The following SEMA6D variants were observed in gnomAD, a reference collection of about 807,000 sequenced individuals.
SEMA6D encodes the protein semaphorin-6D.
In SEMA6D, 35 loss-of-function variants were observed where a neutral mutation model predicts 106.6. That is an observed-to-expected ratio of 0.33 (90% CI 0.25 to 0.44). The LOEUF (loss-of-function observed/expected upper bound fraction) is 0.44. SEMA6D is among the 20% of genes least tolerant of loss of function. The pLI is 1.00. For synonymous variants in SEMA6D, 499 were observed against 487.7 expected (o/e 1.02, Z -0.31); for missense variants, 1,185 against 1,345.9 (o/e 0.88, Z 1.87).
At chr15:47,494,085 A>G (rs937852422) in intron 3 of SEMA6D, among the ~76,000 whole-genome samples, 14 of 152,240 alleles carry the variant, frequency 9.2e-5, no homozygotes, top group Non-Finnish European at 7.4e-5. Context: ...CCCACTTGGA[A>G]GTGTATTGAG....
chr15:47,646,714 A>C (rs549058448), intron 4 of SEMA6D, among the ~76,000 whole-genome samples: 1 of 152,322 alleles, frequency 6.6e-6, no homozygotes, highest in South Asian at 2.1e-4. Context: ...GTTCAACTTT[A>C]GGAAAAAAGT....
At chr15:47,586,052 C>A (rs1474569460) in intron 3 of SEMA6D, among the ~76,000 whole-genome samples, 1 of 152,196 alleles carries the variant, frequency 6.6e-6, no homozygotes, top group Non-Finnish European at 1.5e-5. Flanking sequence ...CTTCAATAAA[C>A]CTGTTAATTT....
chr15:47,193,203 T>C (rs758892192), intron 1 of SEMA6D, among the ~76,000 whole-genome samples: 2 of 152,190 alleles, frequency 1.3e-5, no homozygotes, highest in Non-Finnish European at 2.9e-5. Context: ...TTACTTCTCT[T>C]CCATTTTCTC....
intron 3 of SEMA6D, among the ~76,000 whole-genome samples, chr15:47,490,508 G>T (rs1411539550): frequency 6.6e-6 from 1 of 152,120 alleles, no homozygotes; most frequent in East Asian, 1.9e-4. Flanking sequence ...AGCCCAGCAT[G>T]GTGGCATGCG....
chr15:47,545,413 C>T (rs1214349388), intron 3 of SEMA6D, among the ~76,000 whole-genome samples: 3 of 152,130 alleles, frequency 2.0e-5, no homozygotes, highest in Admixed American at 1.3e-4. Flanking sequence ...CTGAAAGATA[C>T]ATCCTTTAGG....
intron 3 of SEMA6D, among the ~76,000 whole-genome samples, chr15:47,505,406 G>A (rs532068410): frequency 6.6e-6 from 1 of 152,234 alleles, no homozygotes; most frequent in East Asian, 1.9e-4. Flanking sequence ...AAAGCAATAG[G>A]CACATTCTGC....
At chr15:47,523,426 C>G (rs1433266889) in intron 3 of SEMA6D, among the ~76,000 whole-genome samples, 1 of 151,898 alleles carries the variant, frequency 6.6e-6, no homozygotes, top group African/African-American at 2.4e-5. Flanking sequence ...CAGGGTGGGG[C>G]AGGGGAAGAC....
intron 4 of SEMA6D, among the ~76,000 whole-genome samples, chr15:47,673,962 G>T (rs1422287338): frequency 3.3e-5 from 5 of 152,080 alleles, no homozygotes. Context: ...TGCTTCTTAT[G>T]TCATTGTCTC....
chr15:47,653,282 G>A (rs2077727368), intron 4 of SEMA6D, among the ~76,000 whole-genome samples: 1 of 152,220 alleles, frequency 6.6e-6, no homozygotes, highest in South Asian at 2.1e-4. Flanking sequence ...CATGCTTAAT[G>A]TGTGATGGAA....
chr15:47,346,233 C>T (rs1018060224), intron 1 of SEMA6D, among the ~76,000 whole-genome samples: 3 of 152,108 alleles, frequency 2.0e-5, no homozygotes, highest in African/African-American at 7.2e-5. Flanking sequence ...AGTGTTAGGA[C>T]TCCATGAGAC....
At chr15:47,710,640 T>C (rs2078998983) in intron 4 of SEMA6D, among the ~76,000 whole-genome samples, 1 of 152,140 alleles carries the variant, frequency 6.6e-6, no homozygotes, top group Admixed American at 6.5e-5. Context: ...CAATAAGATT[T>C]GAAAAGCCAG....
intron 3 of SEMA6D, among the ~76,000 whole-genome samples, chr15:47,487,761 G>C (rs2043340131): frequency 6.6e-6 from 1 of 152,178 alleles, no homozygotes; most frequent in South Asian, 2.1e-4. Context: ...CATCCTTACA[G>C]ATGCTTCTGT....
intron 1 of SEMA6D, among the ~76,000 whole-genome samples, chr15:47,398,617 C>G (rs956103032): frequency 2.0e-5 from 3 of 151,990 alleles, no homozygotes; most frequent in Non-Finnish European, 4.4e-5. Flanking sequence ...GGGAGAGATT[C>G]GGTTTGGCAC....
intron 1 of SEMA6D, among the ~76,000 whole-genome samples, chr15:47,238,276 C>T (rs960951389): frequency 1.2e-4 from 19 of 152,138 alleles, no homozygotes; most frequent in African/African-American, 4.6e-4. Context: ...GCAACAACAA[C>T]AATAATGATC....
chr15:47,507,347 C>A (rs116073492), intron 3 of SEMA6D, among the ~76,000 whole-genome samples: 1 of 126,554 alleles, frequency 7.9e-6, no homozygotes, highest in Admixed American at 8.3e-5. Flanking sequence ...ACACCCCCCC[C>A]CACCCCCCCG....
At chr15:47,465,541 C>A (rs1374637975) in intron 2 of SEMA6D, among the ~76,000 whole-genome samples, 1 of 152,056 alleles carries the variant, frequency 6.6e-6, no homozygotes. Flanking sequence ...AATTGTAATC[C>A]CCCGTGTTGG....
At chr15:47,377,072 T>C (rs899190108) in intron 1 of SEMA6D, among the ~76,000 whole-genome samples, 5 of 152,212 alleles carry the variant, frequency 3.3e-5, no homozygotes, top group South Asian at 2.1e-4. Context: ...CCTGAAGATA[T>C]GCTGGATTTG....
At chr15:47,626,337 G>C (rs1348532779) in intron 4 of SEMA6D, among the ~76,000 whole-genome samples, 2 of 152,192 alleles carry the variant, frequency 1.3e-5, no homozygotes, top group African/African-American at 4.8e-5. Context: ...TCTTTTATGA[G>C]AATGTGAGTT....
At chr15:47,433,678 T>C (rs1041884032) in intron 2 of SEMA6D, among the ~76,000 whole-genome samples, 10 of 152,232 alleles carry the variant, frequency 6.6e-5, no homozygotes, top group Middle Eastern at 3.4e-3. Flanking sequence ...AGTGATTAAT[T>C]TGAAAAATAA....
Sources: gnomAD v4.1 joint callset for allele counts (sites outside exome capture counted in the v4.1 genomes callset) on GRCh38, gnomAD v4.1.1 for gene constraint, MANE v1.5 for transcripts, NCBI Gene and HGNC (gene_info 2026-07-23, HGNC 2026-07-21) for gene names.